The following FHIT variants were observed in gnomAD, a reference collection of about 807,000 sequenced individuals.
FHIT encodes the protein fragile histidine triad diadenosine triphosphatase.
Under a neutral mutation model 17.9 loss-of-function variants are expected in FHIT, and 19 were observed. That is an observed-to-expected ratio of 1.06 (90% CI 0.74 to 1.56). The LOEUF (loss-of-function observed/expected upper bound fraction) is 1.56. Among genes scored for constraint, FHIT ranks in the 40% most tolerant of loss-of-function variants. The probability of loss-of-function intolerance (pLI) is 0.00; values close to 1 mark genes in which losing one functional copy is unlikely to be tolerated. For synonymous variants in FHIT, 81 were observed against 69.7 expected, an observed-to-expected ratio of 1.16 and a Z score of -0.81; for missense variants, 248 against 189.2, an observed-to-expected ratio of 1.31 and a Z score of -1.82.
chr3:60,860,229 T>C (rs1276978750), intron 3 of FHIT, among the ~76,000 whole-genome samples: 4 of 143,162 alleles, frequency 2.8e-5, no homozygotes, highest in Non-Finnish European at 6.0e-5. Context: ...AGATACATCA[T>C]ATGTATATAT....
intron 3 of FHIT, among the ~76,000 whole-genome samples, chr3:60,926,853 T>TA (rs1575702305): frequency 1.3e-5 from 2 of 152,090 alleles, no homozygotes; most frequent in East Asian, 3.9e-4. Flanking sequence ...ATAGACGCAA[T>TA]AAAAAATGAT....
intron 5 of FHIT, among the ~76,000 whole-genome samples, chr3:60,090,215 CCCAA>C (rs1386623614): frequency 6.6e-6 from 1 of 152,012 alleles, no homozygotes; most frequent in African/African-American, 2.4e-5. Flanking sequence ...TCACTAAGTG[CCCAA>C]CCAAAGAGAC....
intron 5 of FHIT, among the ~76,000 whole-genome samples, chr3:60,377,342 A>G (rs963925165): frequency 4.6e-5 from 7 of 151,070 alleles, no homozygotes; most frequent in African/African-American, 1.7e-4. Context: ...TTGTTTTAGT[A>G]GAGACGGGGT....
In FHIT at chr3:60,709,636, C is replaced by T. The variant is rs868914495; in HGVS notation, c.-18+112283G>A. Among the ~76,000 whole-genome samples the T allele has an allele frequency of 2.0e-5, 3 of 152,112 alleles. No individual in the cohort carries two copies. The South Asian group carries it at 6.2e-4, about 32-fold the overall frequency. ...TGGTTCATTGGATTATGCAGATCTT[C>T]CAAATGTTGACACCTTTCATTGCAT... On this transcript the variant is annotated intron_variant, in intron 4 of 9. Transcript: ENST00000492590.
chr3:59,826,078 G>A (rs1429393355), intron 8 of FHIT, among the ~76,000 whole-genome samples: 3 of 152,134 alleles, frequency 2.0e-5, no homozygotes, highest in African/African-American at 4.8e-5. Context: ...TAATTCCACA[G>A]TATGGTTCCC....
chr3:60,192,166 G>T (rs143009475), intron 5 of FHIT, among the ~76,000 whole-genome samples: 1 of 150,690 alleles, frequency 6.6e-6, no homozygotes, highest in East Asian at 2.0e-4. Context: ...CAAGAGAATC[G>T]CTCGAGCCCG....
chr3:60,785,369 C>T (rs563784163), intron 4 of FHIT, among the ~76,000 whole-genome samples: 69 of 152,258 alleles, frequency 4.5e-4, no homozygotes, highest in African/African-American at 1.6e-3. Context: ...GTGATAGAAT[C>T]TGCAGACCGG....
chr3:60,141,559 G>C (rs576049103), intron 5 of FHIT, among the ~76,000 whole-genome samples: 3 of 152,200 alleles, frequency 2.0e-5, no homozygotes, highest in South Asian at 4.1e-4. Context: ...AACTCATATA[G>C]AATTCCTAAA....
chr3:60,416,858 G>T (rs577192546), intron 5 of FHIT, among the ~76,000 whole-genome samples: 1 of 152,048 alleles, frequency 6.6e-6, no homozygotes, highest in Non-Finnish European at 1.5e-5. Context: ...AGGCCGAGGC[G>T]GGAGGATCAC....
At chr3:60,177,916 G>T (rs570604536) in intron 5 of FHIT, among the ~76,000 whole-genome samples, 1 of 152,294 alleles carries the variant, frequency 6.6e-6, no homozygotes, top group Non-Finnish European at 1.5e-5. Flanking sequence ...AAGTCCCAAA[G>T]TATTTTGAGT....
intron 5 of FHIT, among the ~76,000 whole-genome samples, chr3:60,267,358 T>A (rs1213820333): frequency 6.6e-6 from 1 of 152,028 alleles, no homozygotes; most frequent in East Asian, 1.9e-4. Context: ...GCAAATTGCA[T>A]AATGTAATGA....
At chr3:60,438,164 G>A (rs1218209711) in intron 5 of FHIT, among the ~76,000 whole-genome samples, 1 of 152,026 alleles carries the variant, frequency 6.6e-6, no homozygotes, top group Admixed American at 6.6e-5. Context: ...CTCAAGCAAA[G>A]CTATCTCCAG....
chr3:59,876,471 C>T (rs1703167139), intron 8 of FHIT, among the ~76,000 whole-genome samples: 1 of 152,096 alleles, frequency 6.6e-6, no homozygotes, highest in African/African-American at 2.4e-5. Flanking sequence ...TCCCCAGCCC[C>T]TGCTGCTGTG....
At chr3:60,371,640 G>A (rs1376939940) in intron 5 of FHIT, among the ~76,000 whole-genome samples, 3 of 151,984 alleles carry the variant, frequency 2.0e-5, no homozygotes, top group Non-Finnish European at 4.4e-5. Context: ...TTATCATTCT[G>A]CTCTATGATG....
chr3:61,050,645 A>C (rs1244893374), intron 2 of FHIT, among the ~76,000 whole-genome samples: 1 of 152,270 alleles, frequency 6.6e-6, no homozygotes, highest in Non-Finnish European at 1.5e-5. Context: ...AAAGAAAAGA[A>C]AGAACGAAAA....
intron 5 of FHIT, among the ~76,000 whole-genome samples, chr3:60,234,335 T>C (rs1216859494): frequency 1.3e-5 from 2 of 152,202 alleles, no homozygotes; most frequent in African/African-American, 4.8e-5. Context: ...TATGTCAACA[T>C]AATGAATAAC....
At chr3:60,151,904 T>C (rs1700482397) in intron 5 of FHIT, among the ~76,000 whole-genome samples, 1 of 152,210 alleles carries the variant, frequency 6.6e-6, no homozygotes, top group African/African-American at 2.4e-5. Flanking sequence ...ATAATTTCCC[T>C]GTTGACATGC....
chr3:60,508,182 A>C lies in FHIT; in HGVS notation c.103+28678T>G, dbSNP rs145284283. 2.4e-3 allele frequency among the ~76,000 whole-genome samples: 366 copies of C among 152,302 alleles called. 2 individuals carry two copies. Among genetic ancestry groups the C allele is most frequent in the African/African-American group, 8.6e-3 (357 of 41,560 alleles). ...CTTGGATTAGGGCACTGGCATTAGA[A>C]ATTAGAGAAATAGATAGATTTGTGA... is the stretch of plus-strand genomic sequence containing the variant. On this transcript the variant is annotated intron_variant, in intron 5 of 9. Coordinates refer to ENST00000492590, the MANE Select transcript of FHIT (RefSeq NM_002012.4).
intron 5 of FHIT, among the ~76,000 whole-genome samples, chr3:60,306,859 T>C (rs999016298): frequency 6.6e-6 from 1 of 152,142 alleles, no homozygotes; most frequent in Admixed American, 6.6e-5. Flanking sequence ...GTCATATCGT[T>C]TGAATTATCA....
Sources: allele counts gnomAD v4.1 joint callset (sites outside exome capture counted in the v4.1 genomes callset), GRCh38; gene constraint gnomAD v4.1.1; transcripts MANE v1.5; gene names NCBI Gene and HGNC (gene_info 2026-07-23, HGNC 2026-07-21).